The following FANCC variants were observed in gnomAD, a reference collection of about 807,000 sequenced individuals.
The protein encoded by FANCC is Fanconi anemia group C protein.
Under a neutral mutation model 71.3 loss-of-function variants are expected in FANCC, and 55 were observed. The observed-to-expected ratio is 0.77, with a 90% CI of 0.62 to 0.97. The LOEUF is 0.97. Among genes scored for constraint, FANCC ranks in the 50% least tolerant of loss-of-function variants. The probability of loss-of-function intolerance (pLI) is 0.00; values close to 1 mark genes in which losing one functional copy is unlikely to be tolerated. For synonymous variants in FANCC, 275 were observed against 244.9 expected (o/e 1.12, Z -1.15); for missense variants, 678 against 670.9 (o/e 1.01, Z -0.12).
At position 95,111,565 on chromosome 9, in the gene FANCC, C is replaced by T. The variant is rs2134549988; in HGVS notation, c.1227G>A (p.Glu409=). The T allele has an allele frequency of 1.2e-6, 2 of 1,614,208 alleles. No homozygotes were observed. The highest frequency in any genetic ancestry group is 1.1e-5 in the South Asian group (1 of 91,086). The change falls in exon 13 of 15, where the codon GAG becomes GAA. Residue 409 remains glutamate (E), a synonymous_variant. Transcript: ENST00000289081. ...GTTCGGCTGCCGACATCAGTAATTG[C>T]TCTGCCACCATCTCAGCCCATCCTC... ...HFGGWAEMVA[E]QLLMSAAEPP... is the part of the protein sequence containing the mutation.
At chr9:95,133,050 A>G (rs1381377995) in intron 8 of FANCC, among the ~76,000 whole-genome samples, 2 of 152,212 alleles carry the variant, frequency 1.3e-5, no homozygotes, top group Non-Finnish European at 2.9e-5. Context: ...GTGCTATCTG[A>G]GTCTTAGAGA....
At chr9:95,116,945 A>T (rs1466793324) in intron 11 of FANCC, among the ~76,000 whole-genome samples, 2 of 152,256 alleles carry the variant, frequency 1.3e-5, no homozygotes, top group African/African-American at 4.8e-5. Context: ...CAGAGTAGAA[A>T]GAATGAAAAG....
intron 8 of FANCC, among the ~76,000 whole-genome samples, chr9:95,134,383 G>C (rs1827336165): frequency 6.6e-6 from 1 of 152,176 alleles, no homozygotes; most frequent in Admixed American, 6.5e-5. Flanking sequence ...CTCAGTCTCA[G>C]CTCAAGGGCG....
rs558316441 is a variant in FANCC, at chr9:95,243,609, C to T, written c.251-2866G>A. On this transcript the variant is annotated intron_variant, in intron 3 of 14. Transcript: ENST00000289081. ...ACCATCCTAGCTAACACGGTGAAAC[C>T]CCATCTCTACTAAAAATACAAAAAA... Among the ~76,000 whole-genome samples, 554 of 151,612 alleles carry T rather than the reference C, an allele frequency of 3.7e-3. 2 individuals are homozygous for T. The highest frequency in any genetic ancestry group is 0.012 in the African/African-American group (498 of 41,156).
At chr9:95,248,616 T>C (rs1831141051) in intron 2 of FANCC, among the ~76,000 whole-genome samples, 1 of 151,900 alleles carries the variant, frequency 6.6e-6, no homozygotes, top group South Asian at 2.1e-4. Flanking sequence ...AAAATATCTA[T>C]CATAATAAAA....
chr9:95,187,696 G>T (rs1826815828), intron 4 of FANCC, among the ~76,000 whole-genome samples: 1 of 151,938 alleles, frequency 6.6e-6, no homozygotes, highest in Admixed American at 6.6e-5. Flanking sequence ...CTCAAATGCT[G>T]TGTGTCTTTA....
At chr9:95,109,080 C>A (rs138823394) in intron 13 of FANCC, among the ~76,000 whole-genome samples, 286 of 152,074 alleles carry the variant, frequency 1.9e-3, no homozygotes, top group African/African-American at 6.0e-3. Flanking sequence ...TGGCTAATTT[C>A]TTTATTTATT....
chr9:95,121,896 C>T (rs57641389), intron 10 of FANCC, among the ~76,000 whole-genome samples: 3,155 of 147,226 alleles, frequency 0.021, 122 homozygotes, highest in African/African-American at 0.075. Flanking sequence ...CTCGCTCTGT[C>T]GCCCAGGCTG....
chr9:95,253,805 TG>T lies in FANCC; in HGVS notation c.-78-4437del, dbSNP rs201927483. 3.5e-3 allele frequency among the ~76,000 whole-genome samples: 440 copies of T among 124,726 alleles called. 9 individuals carry two copies. In the South Asian group the frequency reaches 0.056, roughly 16 times the overall value. The allele number at this position is 124,726 out of a possible 152,430, so 81.8% of individuals were successfully genotyped here. On this transcript the variant is annotated intron_variant, in intron 1 of 14. Coordinates refer to ENST00000289081, the MANE Select transcript of FANCC (RefSeq NM_000136.3). ...TCATGGACCAGGGCGGGGGCAGGGATGGGGGGGATGTGTTTGTGGGATGAGA... is the reference window on the plus strand; with the variant it reads ...TCATGGACCAGGGCGGGGGCAGGGATGGGGGGATGTGTTTGTGGGATGAGA...
In FANCC at chr9:95,108,909, C is replaced by CTT. The variant is rs59777183; in HGVS notation, c.1330-1642_1330-1641dup. ...ATCTATAGAACATGCTCTTCAAGAC[C>CTT]TTTTTTTTTTTTTGGAGACAGAGCC... On this transcript the variant is annotated intron_variant, in intron 13 of 14. Coordinates refer to ENST00000289081, the MANE Select transcript of FANCC (RefSeq NM_000136.3). Among the ~76,000 whole-genome samples the CTT allele has an allele frequency of 2.6e-3, 369 of 144,362 alleles. 1 individual carries two copies. The highest frequency in any genetic ancestry group is 4.6e-3 in the Non-Finnish European group (304 of 65,586). 94.7% of individuals were successfully genotyped at this position (144,362 alleles called of 152,430 possible).
chr9:95,262,114 G>C (rs1388142269), intron 1 of FANCC, among the ~76,000 whole-genome samples: 1 of 151,434 alleles, frequency 6.6e-6, no homozygotes, highest in Non-Finnish European at 1.5e-5. Flanking sequence ...CTGTCCACAG[G>C]GGCTCATGGT....
intron 1 of FANCC, among the ~76,000 whole-genome samples, chr9:95,261,638 T>C (rs998430920): frequency 8.5e-5 from 13 of 152,316 alleles, no homozygotes; most frequent in African/African-American, 2.2e-4. Flanking sequence ...AAACAAACCA[T>C]GATTTCACCT....
At chr9:95,162,167 C>G (rs1360736255) in intron 6 of FANCC, among the ~76,000 whole-genome samples, 1 of 152,090 alleles carries the variant, frequency 6.6e-6, no homozygotes, top group African/African-American at 2.4e-5. Context: ...ACAAGTTTGA[C>G]TAATTTAGAT....
chr9:95,267,820 TA>T (rs927331653), intron 1 of FANCC, among the ~76,000 whole-genome samples: 182 of 151,332 alleles, frequency 1.2e-3, no homozygotes, highest in African/African-American at 3.8e-3. Flanking sequence ...AAAAGATGGC[TA>T]AAAAAAAATC....
chr9:95,208,484 CCA>C (rs1192453613), intron 4 of FANCC, among the ~76,000 whole-genome samples: 2 of 151,964 alleles, frequency 1.3e-5, no homozygotes, highest in African/African-American at 4.8e-5. Flanking sequence ...AAAAGAAAAG[CCA>C]CAGAGTAGGA....
Position 95,101,265 on chromosome 9 carries a change from T to C in FANCC, c.*442A>G. 3.4e-6 allele frequency: 1 copy of C among 297,320 alleles called. No homozygotes were observed. The highest frequency in any genetic ancestry group is 6.4e-6 in the Non-Finnish European group (1 of 156,266). 18.4% of individuals were successfully genotyped at this position (297,320 alleles called of 1,614,324 possible). ...ACAGTGTGGCTTTATCCCAGATCCC[T>C]GACTCCTAAAAAGAGTCTAAAAAGA... On this transcript the variant is annotated 3_prime_UTR_variant, in exon 15 of 15. Coordinates refer to ENST00000289081, the MANE Select transcript of FANCC (RefSeq NM_000136.3).
At chr9:95,155,343 A>G (rs868368452) in intron 6 of FANCC, among the ~76,000 whole-genome samples, 12 of 26,386 alleles carry the variant, frequency 4.5e-4, no homozygotes, top group African/African-American at 2.3e-3. Context: ...GGAAGGGAGG[A>G]AGGGAGGGAG....
chr9:95,268,824 C>T (rs541987971), intron 1 of FANCC, among the ~76,000 whole-genome samples: 10 of 152,250 alleles, frequency 6.6e-5, no homozygotes, highest in Admixed American at 3.9e-4. Flanking sequence ...CCAGACCAGC[C>T]ATGTGATGCC....
chr9:95,224,831 T>C (rs576222463), intron 4 of FANCC, among the ~76,000 whole-genome samples: 3 of 152,342 alleles, frequency 2.0e-5, no homozygotes, highest in African/African-American at 7.2e-5. Context: ...GGTTATTTTG[T>C]AGTTTCAGCT....
Sources: gnomAD v4.1 joint callset for allele counts (sites outside exome capture counted in the v4.1 genomes callset) on GRCh38, gnomAD v4.1.1 for gene constraint, MANE v1.5 for transcripts, NCBI Gene and HGNC (gene_info 2026-07-23, HGNC 2026-07-21) for gene names.